The following C10orf90 variants were observed in gnomAD, a reference collection of about 807,000 sequenced individuals.
The protein encoded by C10orf90 is (E2-independent) E3 ubiquitin-conjugating enzyme FATS.
C10orf90 carries 56 observed loss-of-function variants against 62.5 expected under a neutral mutation model. The ratio of observed to expected loss-of-function variants is 0.90; its 90% confidence interval spans 0.72 to 1.12. The LOEUF is 1.12. Ranked by LOEUF, C10orf90 falls within the 50% of genes most tolerant of loss-of-function variation. The probability of loss-of-function intolerance (pLI) is 0.00; values close to 1 mark genes in which losing one functional copy is unlikely to be tolerated. For synonymous variants in C10orf90, 386 were observed against 340.4 expected, an observed-to-expected ratio of 1.13 and a Z score of -1.47; for missense variants, 970 against 880.4, an observed-to-expected ratio of 1.10 and a Z score of -1.29.
chr10:126,584,145 G>A (rs976523357), intron 2 of C10orf90, among the ~76,000 whole-genome samples: 4 of 149,264 alleles, frequency 2.7e-5, no homozygotes, highest in African/African-American at 9.9e-5. Context: ...GCTCTGACTT[G>A]AAGGGGAAAC....
chr10:126,532,944 A>T (rs1369955451), intron 2 of C10orf90, among the ~76,000 whole-genome samples: 12 of 145,644 alleles, frequency 8.2e-5, no homozygotes, highest in East Asian at 6.2e-4. Flanking sequence ...TTATTTATTT[A>T]TTTTTTGAGA....
intron 7 of C10orf90, among the ~76,000 whole-genome samples, chr10:126,433,013 G>A (rs1356462628): frequency 1.3e-5 from 2 of 152,142 alleles, no homozygotes; most frequent in African/African-American, 2.4e-5. Flanking sequence ...GAACTGGGTG[G>A]AGGAGATGCA....
At chr10:126,640,781 G>A (rs1424616048) in intron 2 of C10orf90, among the ~76,000 whole-genome samples, 2 of 152,220 alleles carry the variant, frequency 1.3e-5, no homozygotes, top group African/African-American at 4.8e-5. Flanking sequence ...CATGGACCTG[G>A]AGAAAAACCC....
intron 2 of C10orf90, among the ~76,000 whole-genome samples, chr10:126,534,731 G>A (rs1364646858): frequency 6.6e-6 from 1 of 151,952 alleles, no homozygotes; most frequent in Non-Finnish European, 1.5e-5. Flanking sequence ...GGGTTTGTGT[G>A]TTTCTTCTGC....
intron 2 of C10orf90, among the ~76,000 whole-genome samples, chr10:126,628,920 A>G (rs2842151): frequency 0.57 from 86,754 of 151,886 alleles, 25,080 homozygotes; most frequent in Middle Eastern, 0.68. Context: ...CACTGCTATC[A>G]TGGGTGCCCA....
chr10:126,532,466 G>A (rs114132880), intron 2 of C10orf90, among the ~76,000 whole-genome samples: 10 of 152,158 alleles, frequency 6.6e-5, no homozygotes, highest in African/African-American at 2.4e-4. Flanking sequence ...GCTTTGGCCA[G>A]TGGGTTTTAC....
chr10:126,529,943 T>G (rs1300519866), intron 2 of C10orf90, among the ~76,000 whole-genome samples: 1 of 152,214 alleles, frequency 6.6e-6, no homozygotes, highest in Non-Finnish European at 1.5e-5. Flanking sequence ...TACTCTAAGA[T>G]GTCATTAATT....
intron 2 of C10orf90, among the ~76,000 whole-genome samples, chr10:126,582,265 T>A (rs916950447): frequency 9.2e-5 from 14 of 152,318 alleles, no homozygotes; most frequent in African/African-American, 3.4e-4. Flanking sequence ...AGGGCACCTT[T>A]AAAGAATAGG....
chr10:126,579,900 G>A (rs181345978), intron 2 of C10orf90, among the ~76,000 whole-genome samples: 23 of 152,256 alleles, frequency 1.5e-4, no homozygotes, highest in African/African-American at 5.5e-4. Flanking sequence ...ATAGACGAGG[G>A]TTAGCATTTG....
At chr10:126,536,577 C>A (rs1864242837) in intron 2 of C10orf90, among the ~76,000 whole-genome samples, 1 of 152,022 alleles carries the variant, frequency 6.6e-6, no homozygotes, top group Non-Finnish European at 1.5e-5. Flanking sequence ...TGACTCCAGA[C>A]CCAAGCTGTC....
chr10:126,622,945 A>G lies in C10orf90; in HGVS notation c.313+23620T>C, dbSNP rs77649899. 9.8e-4 allele frequency among the ~76,000 whole-genome samples: 150 copies of G among 152,354 alleles called. 3 individuals are homozygous for G. The East Asian group carries it at 0.025, about 25-fold the overall frequency. Reference sequence around the variant, plus strand: ...CCTCATTGTTACAAATTAAGTAGCAATATTGGAAAGCTTCGCACGAAATAT... The same window carrying G: ...CCTCATTGTTACAAATTAAGTAGCAGTATTGGAAAGCTTCGCACGAAATAT... On this transcript the variant is annotated intron_variant, in intron 2 of 9. Transcript: ENST00000488181.
At chr10:126,497,875 G>T (rs1862156369) in intron 4 of C10orf90, among the ~76,000 whole-genome samples, 1 of 152,180 alleles carries the variant, frequency 6.6e-6, no homozygotes, top group South Asian at 2.1e-4. Context: ...GCCTCCTGGT[G>T]GTTTGCTCAT....
chr10:126,575,159 G>A (rs559122347), intron 2 of C10orf90, among the ~76,000 whole-genome samples: 12 of 151,942 alleles, frequency 7.9e-5, no homozygotes, highest in Admixed American at 4.6e-4. Context: ...AGAGCAATTC[G>A]GCAAGAAAAA....
chr10:126,558,901 T>A (rs1864839074), intron 2 of C10orf90, among the ~76,000 whole-genome samples: 2 of 152,212 alleles, frequency 1.3e-5, no homozygotes, highest in Non-Finnish European at 2.9e-5. Flanking sequence ...ATGGACTGAA[T>A]CAGGCTGCCT....
intron 2 of C10orf90, among the ~76,000 whole-genome samples, chr10:126,642,260 C>CAT (rs2133845110): frequency 1.3e-5 from 2 of 152,258 alleles, no homozygotes; most frequent in African/African-American, 4.8e-5. Context: ...AGGCTGGGTG[C>CAT]GGTGGCTCAC....
intron 7 of C10orf90, among the ~76,000 whole-genome samples, chr10:126,436,156 C>A: frequency 6.6e-6 from 1 of 152,134 alleles, no homozygotes; most frequent in Middle Eastern, 3.2e-3. Flanking sequence ...GGATCAGAGA[C>A]TCTCAAACTA....
chr10:126,536,128 G>C (rs1864229069), intron 2 of C10orf90, among the ~76,000 whole-genome samples: 1 of 152,158 alleles, frequency 6.6e-6, no homozygotes, highest in African/African-American at 2.4e-5. Flanking sequence ...TGGGAACAGT[G>C]GGCCTCCTTC....
chr10:126,661,109 G>A (rs765664120), intron 1 of C10orf90, among the ~76,000 whole-genome samples: 3 of 151,984 alleles, frequency 2.0e-5, no homozygotes, highest in African/African-American at 4.8e-5. Flanking sequence ...TATGTGTGTT[G>A]GGCTTCTTGA....
intron 2 of C10orf90, among the ~76,000 whole-genome samples, chr10:126,629,154 C>T (rs1287543540): frequency 1.3e-5 from 2 of 152,232 alleles, no homozygotes; most frequent in Non-Finnish European, 2.9e-5. Flanking sequence ...GCTCTAACTG[C>T]TCACGAACGA....
Sources: allele counts gnomAD v4.1 joint callset (sites outside exome capture counted in the v4.1 genomes callset), GRCh38; gene constraint gnomAD v4.1.1; transcripts MANE v1.5; gene names NCBI Gene and HGNC (gene_info 2026-07-23, HGNC 2026-07-21).